PIGK: variants seen among roughly 807,000 people sequenced by gnomAD.
PIGK encodes GPI-anchor transamidase.
Under a neutral mutation model 50.6 loss-of-function variants are expected in PIGK, and 42 were observed. The ratio of observed to expected loss-of-function variants is 0.83; its 90% confidence interval spans 0.65 to 1.07. The LOEUF (loss-of-function observed/expected upper bound fraction) is 1.07. PIGK is among the 50% of genes least tolerant of loss of function. The pLI is 0.00. For synonymous variants in PIGK, 151 were observed against 156.0 expected, an observed-to-expected ratio of 0.97 and a Z score of 0.24; for missense variants, 448 against 488.7, an observed-to-expected ratio of 0.92 and a Z score of 0.78.
At chr1:77,130,187 GTCTTTT>G (rs1222828751) in intron 9 of PIGK, among the ~76,000 whole-genome samples, 5 of 98,868 alleles carry the variant, frequency 5.1e-5, no homozygotes, top group African/African-American at 1.1e-4. Flanking sequence ...TGTTTGCATT[GTCTTTT>G]TTTTTTTTTT....
At chr1:77,129,066 A>T (rs1178827285) in intron 9 of PIGK, 1 of 811,198 alleles carries the variant, frequency 1.2e-6, no homozygotes, top group African/African-American at 1.7e-5. Context: ...TGCTTTAAAT[A>T]TTTACTATCT....
chr1:77,191,795 G>A (rs965950220), intron 3 of PIGK, among the ~76,000 whole-genome samples: 11 of 152,164 alleles, frequency 7.2e-5, no homozygotes, highest in Admixed American at 2.0e-4. Context: ...GGAGGCCAAG[G>A]TGGGCGGATC....
chr1:77,202,941 T>C (rs78489824), intron 3 of PIGK, among the ~76,000 whole-genome samples: 1 of 152,090 alleles, frequency 6.6e-6, no homozygotes, highest in South Asian at 2.1e-4. Flanking sequence ...TTCCCTAGAG[T>C]AAACAGGAAT....
chr1:77,115,492 T>C (rs1425704226), intron 10 of PIGK, among the ~76,000 whole-genome samples: 1 of 151,930 alleles, frequency 6.6e-6, no homozygotes. Flanking sequence ...GCAACCAGTA[T>C]TTGGAAGGAG....
intron 3 of PIGK, among the ~76,000 whole-genome samples, chr1:77,190,036 A>T (rs1454208368): frequency 6.6e-6 from 1 of 152,078 alleles, no homozygotes; most frequent in African/African-American, 2.4e-5. Context: ...TTTGTCTGAC[A>T]TGAACGTCTG....
chr1:77,169,023 C>G (rs1418370392), intron 4 of PIGK, among the ~76,000 whole-genome samples: 2 of 152,088 alleles, frequency 1.3e-5, no homozygotes, highest in East Asian at 3.9e-4. Context: ...CACTATAATA[C>G]TCTAACATTG....
intron 8 of PIGK, among the ~76,000 whole-genome samples, chr1:77,160,213 C>T (rs1041682118): frequency 6.6e-5 from 10 of 152,150 alleles, no homozygotes; most frequent in African/African-American, 2.4e-4. Context: ...TTTGCTCCTC[C>T]TTCACCTTCT....
At chr1:77,147,036 A>T (rs1338705195) in intron 9 of PIGK, among the ~76,000 whole-genome samples, 4 of 151,046 alleles carry the variant, frequency 2.6e-5, no homozygotes, top group Non-Finnish European at 4.4e-5. Flanking sequence ...TGACAAAGAC[A>T]CACTCGAGAC....
chr1:77,158,474 GC>G (rs1265071448), intron 8 of PIGK, among the ~76,000 whole-genome samples: 1 of 152,172 alleles, frequency 6.6e-6, no homozygotes, highest in Non-Finnish European at 1.5e-5. Context: ...TGGGTAACAG[GC>G]AGATGTTGGA....
chr1:77,173,252 A>C (rs1655407273), intron 3 of PIGK, among the ~76,000 whole-genome samples: 1 of 152,222 alleles, frequency 6.6e-6, no homozygotes, highest in Non-Finnish European at 1.5e-5. Flanking sequence ...GAGGCTCCCA[A>C]ATTAGTCTCA....
At chr1:77,207,006 A>C (rs1300537298) in intron 2 of PIGK, among the ~76,000 whole-genome samples, 1 of 152,108 alleles carries the variant, frequency 6.6e-6, no homozygotes, top group East Asian at 1.9e-4. Context: ...ACCTCTACTA[A>C]AAATACAAAA....
chr1:77,167,447 C>T (rs1044726688), intron 4 of PIGK, among the ~76,000 whole-genome samples: 6 of 152,130 alleles, frequency 3.9e-5, no homozygotes, highest in African/African-American at 1.4e-4. Flanking sequence ...TAAAAAGCTG[C>T]AAAATTATTT....
intron 3 of PIGK, among the ~76,000 whole-genome samples, chr1:77,200,408 T>C (rs1042906447): frequency 3.2e-4 from 49 of 152,270 alleles, no homozygotes; most frequent in African/African-American, 1.2e-3. Context: ...TAATATTAAC[T>C]ATTTTTGCAC....
chr1:77,111,142 C>T (rs901468463), intron 10 of PIGK, among the ~76,000 whole-genome samples: 1 of 152,186 alleles, frequency 6.6e-6, no homozygotes, highest in Non-Finnish European at 1.5e-5. Context: ...AATAGGAACA[C>T]TTTTACACTG....
At chr1:77,169,192 C>G in intron 4 of PIGK, 68 bp downstream of exon 4, 1 of 988,036 alleles carries the variant, frequency 1.0e-6, no homozygotes, top group Non-Finnish European at 1.4e-6. Flanking sequence ...CAATTTTATT[C>G]TGCCATTGTT....
chr1:77,144,729 G>C (rs1291250763), intron 9 of PIGK, among the ~76,000 whole-genome samples: 1 of 151,782 alleles, frequency 6.6e-6, no homozygotes, highest in Non-Finnish European at 1.5e-5. Context: ...CCCATGATAT[G>C]ACCAATCCAT....
intron 3 of PIGK, among the ~76,000 whole-genome samples, chr1:77,204,961 G>A (rs1442338980): frequency 6.6e-6 from 1 of 151,954 alleles, no homozygotes; most frequent in African/African-American, 2.4e-5. Context: ...CCACTACAAA[G>A]ACTTCATAAA....
intron 9 of PIGK, among the ~76,000 whole-genome samples, chr1:77,126,995 G>A (rs1220678086): frequency 1.3e-5 from 2 of 152,070 alleles, no homozygotes; most frequent in Non-Finnish European, 2.9e-5. Context: ...GGAAAAAGCT[G>A]TGCATTCCTT....
At chr1:77,193,285 T>TGTGTGTGTG (rs1655954467) in intron 3 of PIGK, among the ~76,000 whole-genome samples, 2 of 105,176 alleles carry the variant, frequency 1.9e-5, no homozygotes, top group African/African-American at 5.8e-5. Context: ...GTGTGTGTGT[T>TGTGTGTGTG]TCTCCTAAGC....
Sources: gnomAD v4.1 joint callset for allele counts (sites outside exome capture counted in the v4.1 genomes callset) on GRCh38, gnomAD v4.1.1 for gene constraint, MANE v1.5 for transcripts, NCBI Gene and HGNC (gene_info 2026-07-23, HGNC 2026-07-21) for gene names.